The following COL5A2 variants were observed in gnomAD, a reference collection of about 807,000 sequenced individuals.
The protein encoded by COL5A2 is collagen alpha-2(V) chain.
Under a neutral mutation model 208.2 loss-of-function variants are expected in COL5A2, and 23 were observed. The observed-to-expected ratio is 0.11, with a 90% confidence interval of 0.08 to 0.16. The LOEUF (loss-of-function observed/expected upper bound fraction) is 0.16, where lower values mean the gene tolerates loss of function less well. COL5A2 is among the 10% of genes least tolerant of loss of function. The pLI, the probability that COL5A2 is intolerant of heterozygous loss-of-function variation, is 1.00. For synonymous variants in COL5A2, 625 were observed against 628.5 expected (o/e 0.99, Z 0.08); for missense variants, 1,590 against 1,956.4 (o/e 0.81, Z 3.53).
the COL5A2 span, among the ~76,000 whole-genome samples, chr2:189,418,154 T>C: frequency 6.6e-6 from 1 of 152,126 alleles, no homozygotes; most frequent in Non-Finnish European, 1.5e-5. Flanking sequence ...GGATAAACAA[T>C]TTGTAAAAGA....
intron 1 of COL5A2, among the ~76,000 whole-genome samples, chr2:189,140,632 C>A (rs911622418): frequency 1.3e-5 from 2 of 152,120 alleles, no homozygotes; most frequent in Admixed American, 6.5e-5. Flanking sequence ...TACAGCTTTA[C>A]ATTTCCTTAC....
intron 14 of COL5A2, among the ~76,000 whole-genome samples, chr2:189,079,693 A>T (rs926396775): frequency 1.3e-5 from 2 of 152,172 alleles, no homozygotes; most frequent in Non-Finnish European, 2.9e-5. Context: ...AAAATGAATG[A>T]TTGTATTTTA....
the COL5A2 span, among the ~76,000 whole-genome samples, chr2:189,320,332 T>A: frequency 6.6e-6 from 1 of 152,064 alleles, no homozygotes; most frequent in Admixed American, 6.5e-5. Flanking sequence ...CTTTGATGAG[T>A]TGAGAGAAGA....
chr2:189,349,647 T>C, the COL5A2 span, among the ~76,000 whole-genome samples: 1 of 152,202 alleles, frequency 6.6e-6, no homozygotes, highest in Non-Finnish European at 1.5e-5. Flanking sequence ...TTTTAGGTTA[T>C]GTTGTTTATG....
At chr2:189,107,290 C>T (rs1328551915) in intron 2 of COL5A2, among the ~76,000 whole-genome samples, 1 of 151,546 alleles carries the variant, frequency 6.6e-6, no homozygotes, top group Non-Finnish European at 1.5e-5. Context: ...TCTACCAGAG[C>T]TAGTCTTAGT....
At chr2:189,060,597 AG>A in intron 31 of COL5A2, 132 bp downstream of exon 31, 1 of 745,528 alleles carries the variant, frequency 1.3e-6, no homozygotes, top group Non-Finnish European at 2.4e-6. Context: ...GATAGTACCT[AG>A]TACATAGGGC....
At chr2:189,389,874 C>T in the COL5A2 span, among the ~76,000 whole-genome samples, 2 of 152,166 alleles carry the variant, frequency 1.3e-5, no homozygotes, top group Non-Finnish European at 2.9e-5. Context: ...TAAATCTAAA[C>T]ATATCCAAAA....
chr2:189,063,688 C>T (rs985121272), intron 26 of COL5A2, among the ~76,000 whole-genome samples: 1 of 152,100 alleles, frequency 6.6e-6, no homozygotes, highest in African/African-American at 2.4e-5. Flanking sequence ...AAAATGAGAA[C>T]ATTGCTAATA....
chr2:189,198,042 G>C (rs968288084), intron 1 of COL5A2, among the ~76,000 whole-genome samples: 1 of 151,888 alleles, frequency 6.6e-6, no homozygotes, highest in African/African-American at 2.4e-5. Flanking sequence ...GTAGAAACGG[G>C]GTTTCACCAT....
At chr2:189,121,346 C>G (rs1186943453) in intron 1 of COL5A2, among the ~76,000 whole-genome samples, 2 of 152,104 alleles carry the variant, frequency 1.3e-5, no homozygotes, top group Non-Finnish European at 2.9e-5. Context: ...CTTCTCTCTA[C>G]CAACTGGCCA....
chr2:189,190,640 T>C (rs1371685548), intron 1 of COL5A2, among the ~76,000 whole-genome samples: 2 of 152,200 alleles, frequency 1.3e-5, no homozygotes, highest in African/African-American at 4.8e-5. Context: ...ATAAATCTGA[T>C]AAAAACTCTC....
intron 1 of COL5A2, among the ~76,000 whole-genome samples, chr2:189,174,264 G>A (rs1033484056): frequency 2.6e-5 from 4 of 152,230 alleles, no homozygotes; most frequent in Non-Finnish European, 5.9e-5. Flanking sequence ...GAAAGTAAGA[G>A]AGAGGAAATA....
At chr2:189,114,194 C>A (rs2105720924) in intron 1 of COL5A2, among the ~76,000 whole-genome samples, 1 of 152,274 alleles carries the variant, frequency 6.6e-6, no homozygotes. Context: ...TAAACCTTGT[C>A]TTCTCTTCAC....
chr2:189,410,491 A>G, the COL5A2 span, among the ~76,000 whole-genome samples: 1 of 152,118 alleles, frequency 6.6e-6, no homozygotes, highest in African/African-American at 2.4e-5. Flanking sequence ...GCTTGAGCCC[A>G]GGAGTTCGAG....
Position 189,116,126 on chromosome 2 carries a change from T to C in COL5A2, c.98-5677A>G, listed in dbSNP as rs573108356. ...AGATCTGGGCTACCATTACTTAAAGTTTCTCTGACTGTAAAGGTCCTTGAG... is the reference window on the plus strand; with the variant it reads ...AGATCTGGGCTACCATTACTTAAAGCTTCTCTGACTGTAAAGGTCCTTGAG... On this transcript the variant is annotated intron_variant, in intron 1 of 53. Coordinates refer to ENST00000374866, the MANE Select transcript of COL5A2 (RefSeq NM_000393.5). 2.6e-5 allele frequency among the ~76,000 whole-genome samples: 4 copies of C among 152,284 alleles called. No individual in the cohort carries two copies. In the South Asian group the frequency reaches 6.2e-4, roughly 24 times the overall value.
chr2:189,287,078 C>G, the COL5A2 span, among the ~76,000 whole-genome samples: 2 of 151,846 alleles, frequency 1.3e-5, no homozygotes, highest in African/African-American at 4.8e-5. Context: ...TCAGTTGCAT[C>G]CCTGAGAAGC....
upstream of COL5A2, among the ~76,000 whole-genome samples, chr2:189,229,371 C>A (rs1051160574): frequency 1.3e-5 from 2 of 151,424 alleles, no homozygotes; most frequent in Admixed American, 1.3e-4. Flanking sequence ...AAAATTATCC[C>A]TGTTCATGGA....
the COL5A2 span, among the ~76,000 whole-genome samples, chr2:189,252,975 G>C: frequency 2.6e-5 from 4 of 152,114 alleles, no homozygotes; most frequent in African/African-American, 9.7e-5. Context: ...GTCTCAGTTT[G>C]TTCATAAAGA....
the COL5A2 span, among the ~76,000 whole-genome samples, chr2:189,322,616 G>C: frequency 6.6e-6 from 1 of 152,076 alleles, no homozygotes; most frequent in Admixed American, 6.5e-5. Context: ...ACCCTCCCAA[G>C]ACTAAACCAG....
Sources: allele counts gnomAD v4.1 joint callset (sites outside exome capture counted in the v4.1 genomes callset), GRCh38; gene constraint gnomAD v4.1.1; transcripts MANE v1.5; gene names NCBI Gene and HGNC (gene_info 2026-07-23, HGNC 2026-07-21).